ZNF606: variants seen among roughly 807,000 people sequenced by gnomAD.
ZNF606 encodes the protein zinc finger protein 606.
ZNF606 carries 37 observed loss-of-function variants against 74.9 expected under a neutral mutation model. The observed-to-expected ratio is 0.49, with a 90% CI of 0.38 to 0.65. The LOEUF (loss-of-function observed/expected upper bound fraction) is 0.65, where lower values mean the gene tolerates loss of function less well. Among genes scored for constraint, ZNF606 ranks in the 30% least tolerant of loss-of-function variants. The pLI is 0.00. For missense variants in ZNF606, 852 were observed against 952.9 expected (o/e 0.89, Z 1.39); for synonymous variants, 328 against 312.4 (o/e 1.05, Z -0.53).
chr19:57,984,842 C>T (rs1296761957), intron 6 of ZNF606, among the ~76,000 whole-genome samples: 1 of 152,202 alleles, frequency 6.6e-6, no homozygotes. Flanking sequence ...TGCCTGTAAT[C>T]CCAGCACTTT....
intron 4 of ZNF606, among the ~76,000 whole-genome samples, chr19:57,989,968 C>T (rs1325156226): frequency 7.1e-6 from 1 of 140,352 alleles, no homozygotes; most frequent in Non-Finnish European, 1.5e-5. Flanking sequence ...AGGAGAATCG[C>T]TTGAACCAGG....
intron 4 of ZNF606, among the ~76,000 whole-genome samples, 166 bp from the exon 5 acceptor site, chr19:57,988,887 C>G (rs538678429): frequency 6.6e-6 from 1 of 151,850 alleles, no homozygotes; most frequent in African/African-American, 2.4e-5. Flanking sequence ...GAGAACCACC[C>G]AAGACCTCAT....
At chr19:58,001,017 A>T (rs1189198294) in intron 2 of ZNF606, 9 of 537,410 alleles carry the variant, frequency 1.7e-5, no homozygotes, top group Non-Finnish European at 2.3e-5. Context: ...ATATTTTATT[A>T]TATGTATCAC....
At chr19:57,995,287 A>G (rs965183371) in intron 4 of ZNF606, among the ~76,000 whole-genome samples, 2 of 152,076 alleles carry the variant, frequency 1.3e-5, no homozygotes, top group African/African-American at 4.8e-5. Context: ...ACGTGCACAA[A>G]GTGAAGTCAC....
At chr19:58,002,262 G>A (rs1008162168) in intron 1 of ZNF606, 134 bp downstream of exon 1, 32 of 456,626 alleles carry the variant, frequency 7.0e-5, no homozygotes, top group African/African-American at 5.2e-4. Flanking sequence ...CGACGGCTGG[G>A]GAACGAACGG....
Position 57,978,407 on chromosome 19 carries a change from T to C in ZNF606, c.2273A>G (p.His758Arg), listed in dbSNP as rs2073022646. 1.2e-6 allele frequency: 2 copies of C among 1,614,036 alleles called. No homozygotes were observed. The highest frequency in any genetic ancestry group is 1.7e-6 in the Non-Finnish European group (2 of 1,179,876). ...GCATATAAAGCGTTTCTCTCCACTA[T>C]GCATTCTCTGATGAATAATAAGGGA... is the stretch of plus-strand genomic sequence containing the variant. ...NSSLIIHQRM[H>R]SGEKRFICSE... The change falls in exon 7 of 7, where the codon CAT becomes CGT. Residue 758 changes from histidine (H) to arginine (R), a missense_variant. This residue lies in a region of ZNF606 where 64 missense variants were observed against 51.1 expected (regional missense o/e 1.25). Transcript: ENST00000551380. The surrounding 1 kb of genome is among the most constrained non-coding windows in gnomAD (Gnocchi z 4.4).
At chr19:57,988,794 G>A in intron 4 of ZNF606, 73 bp from the exon 5 acceptor site, 1 of 1,604,534 alleles carries the variant, frequency 6.2e-7, no homozygotes, top group Non-Finnish European at 8.5e-7. Flanking sequence ...GAGTGAGGCT[G>A]ACAGCCCTGG....
rs777067279 is a variant in ZNF606 at position 57,978,272 on chromosome 19, T to G, written c.*29A>C. 6.5e-7 allele frequency: 1 copy of G among 1,528,572 alleles called. No homozygotes were observed. Among genetic ancestry groups the G allele is most frequent in the East Asian group, 2.3e-5 (1 of 43,980 alleles). 94.7% of individuals were successfully genotyped at this position (1,528,572 alleles called of 1,614,324 possible). A position where few individuals can be genotyped will look rare whatever the true frequency, so the allele number is the denominator to read the frequency against. ...GGGTTTTCCTCAATGTGTTGTCAAATGTACAAGAAACGAAAAACTCGCATA... is the reference window on the plus strand; with the variant it reads ...GGGTTTTCCTCAATGTGTTGTCAAAGGTACAAGAAACGAAAAACTCGCATA... On this transcript the variant is annotated 3_prime_UTR_variant, in exon 7 of 7. Coordinates refer to ENST00000551380, the MANE Select transcript of ZNF606 (RefSeq NM_001348022.3). The surrounding 1 kb of genome is among the most constrained non-coding windows in gnomAD (Gnocchi z 4.4).
At chr19:57,986,525 T>TA (rs1186576932) in intron 6 of ZNF606, among the ~76,000 whole-genome samples, 1 of 151,966 alleles carries the variant, frequency 6.6e-6, no homozygotes, top group African/African-American at 2.4e-5. Context: ...TAACTCAAAA[T>TA]AAAAAACAGC....
At chr19:57,995,750 C>T (rs895715484) in intron 4 of ZNF606, among the ~76,000 whole-genome samples, 3 of 151,728 alleles carry the variant, frequency 2.0e-5, no homozygotes, top group Non-Finnish European at 4.4e-5. Flanking sequence ...ACCCGGGAGG[C>T]GGAGACTGCA....
At chr19:57,980,600 C>T (rs2123267448) in intron 6 of ZNF606, among the ~76,000 whole-genome samples, 1 of 152,196 alleles carries the variant, frequency 6.6e-6, no homozygotes, top group East Asian at 1.9e-4. Context: ...CTTTGGGAGG[C>T]CGAGGCGGGC....
At chr19:57,994,942 G>A (rs749298413) in intron 4 of ZNF606, among the ~76,000 whole-genome samples, 1 of 152,076 alleles carries the variant, frequency 6.6e-6, no homozygotes, top group Non-Finnish European at 1.5e-5. Flanking sequence ...TCAGCACTTT[G>A]GGAGGCCGAG....
At chr19:57,980,669 A>C (rs957510049) in intron 6 of ZNF606, among the ~76,000 whole-genome samples, 1 of 152,068 alleles carries the variant, frequency 6.6e-6, no homozygotes, top group African/African-American at 2.4e-5. Flanking sequence ...CCCTGTCTCT[A>C]CTAAAAATAC....
At chr19:57,999,784 G>A (rs767548640) in intron 4 of ZNF606, 24 bp downstream of exon 4, 1 of 1,609,876 alleles carries the variant, frequency 6.2e-7, no homozygotes, top group African/African-American at 1.3e-5. Flanking sequence ...ATCATCCTCT[G>A]GGAACAGGAC....
Position 57,978,697 on chromosome 19 carries a change from G to A in ZNF606, c.1983C>T (p.Phe661=), listed in dbSNP as rs746380631. Residue 661 remains phenylalanine, a synonymous_variant, in exon 7 of 7, where the codon TTC becomes TTT. Coordinates refer to ENST00000551380, the MANE Select transcript of ZNF606 (RefSeq NM_001348022.3). This position sits in a 1 kb window ranked among gnomAD's most constrained non-coding sequence, Gnocchi z 4.4. The part of the protein sequence containing the change: ...PYECNKCGKS[F]SQSCHLVAHR... ...GAGCAACAAGGTGACAGCTCTGACTGAAGGATTTTCCACATTTATTGCATT... is the reference window on the plus strand; with the variant it reads ...GAGCAACAAGGTGACAGCTCTGACTAAAGGATTTTCCACATTTATTGCATT... 16 of 1,614,094 alleles carry A rather than the reference G, an allele frequency of 9.9e-6. No homozygotes were observed. The East Asian group carries it at 3.6e-4, about 36-fold the overall frequency.
intron 6 of ZNF606, among the ~76,000 whole-genome samples, chr19:57,982,158 C>CCGGGT (rs2073094086): frequency 6.6e-6 from 1 of 152,126 alleles, no homozygotes; most frequent in African/African-American, 2.4e-5. Context: ...GAGTTATTGG[C>CCGGGT]CGGGTTGTGC....
upstream of ZNF606, chr19:58,002,963 C>T (rs373923821): frequency 7.0e-5 from 32 of 455,944 alleles, no homozygotes; most frequent in African/African-American, 6.2e-4. Flanking sequence ...GCACCTGCGT[C>T]GAAGCCGGCG....
At chr19:57,983,689 A>G (rs955636749) in intron 6 of ZNF606, among the ~76,000 whole-genome samples, 3 of 152,182 alleles carry the variant, frequency 2.0e-5, no homozygotes, top group Non-Finnish European at 2.9e-5. Context: ...AACTGAAGTG[A>G]TCGAGGATGG....
In ZNF606 at chr19:58,002,631, G is replaced by A; in HGVS notation, c.-287C>T. 2.2e-6 allele frequency: 1 copy of A among 453,052 alleles called. No individual in the cohort carries two copies. The highest frequency in any genetic ancestry group is 4.4e-6 in the Non-Finnish European group (1 of 225,310). The allele number at this position is 453,052 out of a possible 1,614,324, so 28.1% of individuals were successfully genotyped here. A position where few individuals can be genotyped will look rare whatever the true frequency, so the allele number is the denominator to read the frequency against. On this transcript the variant is annotated 5_prime_UTR_variant, in exon 1 of 7. Transcript: ENST00000551380. ...GGCGGGAGGCCGGAGGCAGGCTGCT[G>A]GCTGGAGAACCGACGGCAACGACGG...
Sources: allele counts gnomAD v4.1 joint callset (sites outside exome capture counted in the v4.1 genomes callset), GRCh38; gene constraint gnomAD v4.1.1; regional missense constraint gnomAD v4.1.1; non-coding constraint Gnocchi (gnomAD v3.1); transcripts MANE v1.5; gene names NCBI Gene and HGNC (gene_info 2026-07-23, HGNC 2026-07-21).